Variants in CDH13 observed in about 807,000 individuals in gnomAD.
The protein encoded by CDH13 is cadherin 13.
A neutral mutation model predicts 63.8 loss-of-function variants in CDH13; 24 were observed. The ratio of observed to expected loss-of-function variants is 0.38; its 90% CI spans 0.27 to 0.53. CDH13 has a LOEUF of 0.53. Ranked by LOEUF, CDH13 falls within the 20% of genes least tolerant of loss-of-function variation. The probability of loss-of-function intolerance (pLI) is 0.85; values close to 1 mark genes in which losing one functional copy is unlikely to be tolerated. For missense variants in CDH13, 1,049 were observed against 903.1 expected (o/e 1.16, Z -2.07); for synonymous variants, 503 against 355.3 (o/e 1.42, Z -4.67).
chr16:83,377,894 C>G (rs918954271), intron 6 of CDH13, among the ~76,000 whole-genome samples: 9 of 152,158 alleles, frequency 5.9e-5, no homozygotes, highest in African/African-American at 1.9e-4. Flanking sequence ...GTGTCCCCTT[C>G]AAGCAGATAA....
At chr16:83,043,942 C>T (rs1242723913) in intron 3 of CDH13, among the ~76,000 whole-genome samples, 1 of 152,094 alleles carries the variant, frequency 6.6e-6, no homozygotes, top group African/African-American at 2.4e-5. Context: ...AGGCACATCT[C>T]AATTTAGAGT....
At chr16:83,593,618 A>G (rs1906971267) in intron 7 of CDH13, among the ~76,000 whole-genome samples, 1 of 151,726 alleles carries the variant, frequency 6.6e-6, no homozygotes, top group Non-Finnish European at 1.5e-5. Context: ...AGTATATAAA[A>G]CATGTTATTT....
At chr16:83,457,725 G>C (rs942336271) in intron 6 of CDH13, among the ~76,000 whole-genome samples, 2 of 152,116 alleles carry the variant, frequency 1.3e-5, no homozygotes, top group African/African-American at 4.8e-5. Flanking sequence ...CTAAAAGACA[G>C]GGAACCAGCA....
intron 5 of CDH13, among the ~76,000 whole-genome samples, chr16:83,289,065 G>C (rs1270575319): frequency 6.6e-6 from 1 of 152,224 alleles, no homozygotes; most frequent in Non-Finnish European, 1.5e-5. Flanking sequence ...CACCAAGTGA[G>C]TCTTTAGTGA....
intron 1 of CDH13, among the ~76,000 whole-genome samples, chr16:82,788,181 G>A (rs892511274): frequency 2.6e-5 from 4 of 152,170 alleles, no homozygotes; most frequent in African/African-American, 7.2e-5. Context: ...CCTAGAGAGA[G>A]AGGAAAAAAA....
At chr16:83,093,383 G>A (rs760672465) in intron 3 of CDH13, among the ~76,000 whole-genome samples, 12 of 134,716 alleles carry the variant, frequency 8.9e-5, no homozygotes, top group Non-Finnish European at 1.7e-4. Flanking sequence ...GAGTGGCACA[G>A]TCTAGGCTGA....
intron 6 of CDH13, among the ~76,000 whole-genome samples, chr16:83,435,904 T>C (rs1263280848): frequency 1.3e-5 from 2 of 152,328 alleles, no homozygotes; most frequent in African/African-American, 2.4e-5. Context: ...TGGTACATAG[T>C]AGCCACTCAG....
At chr16:82,997,647 C>T (rs34939901) in intron 2 of CDH13, among the ~76,000 whole-genome samples, 82,177 of 151,908 alleles carry the variant, frequency 0.54, 22,431 homozygotes, top group Middle Eastern at 0.6. Context: ...TATCCCTGTT[C>T]TATAGGTGAA....
intron 3 of CDH13, among the ~76,000 whole-genome samples, chr16:83,078,251 A>G (rs2032991172): frequency 6.6e-6 from 1 of 151,718 alleles, no homozygotes; most frequent in Non-Finnish European, 1.5e-5. Context: ...GTTGTCATGA[A>G]CTCTGTTCTC....
chr16:83,054,535 T>A (rs2030723846), intron 3 of CDH13, among the ~76,000 whole-genome samples: 1 of 152,174 alleles, frequency 6.6e-6, no homozygotes, highest in African/African-American at 2.4e-5. Context: ...CAGCAGGATA[T>A]TTAGTCACAC....
intron 8 of CDH13, among the ~76,000 whole-genome samples, chr16:83,649,788 G>A (rs1246968541): frequency 6.6e-6 from 1 of 152,148 alleles, no homozygotes; most frequent in East Asian, 1.9e-4. Context: ...CTGCTGCTGA[G>A]AGAGGCAGGG....
chr16:82,936,363 A>G (rs186033128), intron 2 of CDH13, among the ~76,000 whole-genome samples: 6 of 152,084 alleles, frequency 3.9e-5, no homozygotes, highest in African/African-American at 1.2e-4. Context: ...CGTGAACCCT[A>G]TTGTGAATTG....
At chr16:83,007,842 G>A (rs1913703481) in intron 2 of CDH13, among the ~76,000 whole-genome samples, 3 of 149,912 alleles carry the variant, frequency 2.0e-5, no homozygotes, top group Non-Finnish European at 4.5e-5. Flanking sequence ...AAAAAAGAGA[G>A]AAAAGAAAAA....
chr16:83,000,867 C>A (rs763432816), intron 2 of CDH13, among the ~76,000 whole-genome samples: 1 of 152,206 alleles, frequency 6.6e-6, no homozygotes, highest in Non-Finnish European at 1.5e-5. Context: ...GCGTGAGCCA[C>A]CGCGCCTGGC....
At chr16:83,514,843 T>C (rs1567728229) in intron 7 of CDH13, among the ~76,000 whole-genome samples, 1 of 152,130 alleles carries the variant, frequency 6.6e-6, no homozygotes, top group Non-Finnish European at 1.5e-5. Context: ...GGAAGGACTC[T>C]TGTAGATGTC....
chr16:82,979,309 G>C (rs1006682854), intron 2 of CDH13, among the ~76,000 whole-genome samples: 4 of 152,174 alleles, frequency 2.6e-5, no homozygotes, highest in Admixed American at 1.3e-4. Flanking sequence ...GGGACTGTTG[G>C]GAGGGCAGAA....
chr16:83,658,569 C>T (rs1205740179), intron 8 of CDH13, among the ~76,000 whole-genome samples: 1 of 144,868 alleles, frequency 6.9e-6, no homozygotes, highest in Non-Finnish European at 1.5e-5. Context: ...CCACCAGGTC[C>T]CATGTCCTCA....
At chr16:83,569,885 C>T (rs187402732) in intron 7 of CDH13, among the ~76,000 whole-genome samples, 1 of 152,230 alleles carries the variant, frequency 6.6e-6, no homozygotes, top group Non-Finnish European at 1.5e-5. Context: ...TACAGGTGCA[C>T]GCCACCATGC....
intron 7 of CDH13, among the ~76,000 whole-genome samples, chr16:83,506,360 C>T (rs896194201): frequency 1.3e-5 from 2 of 152,282 alleles, no homozygotes; most frequent in Middle Eastern, 3.4e-3. Flanking sequence ...GCTCCTGACT[C>T]CTGCACTCAA....
Sources: gnomAD v4.1 joint callset for allele counts (sites outside exome capture counted in the v4.1 genomes callset) on GRCh38, gnomAD v4.1.1 for gene constraint, MANE v1.5 for transcripts, NCBI Gene and HGNC (gene_info 2026-07-23, HGNC 2026-07-21) for gene names.